ASAP2: variants seen among roughly 807,000 people sequenced by gnomAD.
ASAP2 encodes the protein arf-GAP with SH3 domain, ANK repeat and PH domain-containing protein 2.
ASAP2 carries 45 observed loss-of-function variants against 131.4 expected under a neutral mutation model. That is an observed-to-expected ratio of 0.34 (90% CI 0.27 to 0.44). ASAP2 has a LOEUF of 0.44. ASAP2 is among the 20% of genes least tolerant of loss of function. ASAP2 has a pLI of 1.00. For missense variants in ASAP2, 1,011 were observed against 1,297.0 expected, an observed-to-expected ratio of 0.78 and a Z score of 3.39; for synonymous variants, 510 against 503.0, an observed-to-expected ratio of 1.01 and a Z score of -0.19.
chr2:9,342,953 C>G (rs1444122500), intron 9 of ASAP2, among the ~76,000 whole-genome samples: 3 of 152,238 alleles, frequency 2.0e-5, no homozygotes, highest in Non-Finnish European at 4.4e-5. Context: ...GTGCTTTTCT[C>G]CCTTTGACTC....
intron 2 of ASAP2, among the ~76,000 whole-genome samples, chr2:9,287,553 A>G (rs1667545089): frequency 6.6e-6 from 1 of 152,206 alleles, no homozygotes; most frequent in Non-Finnish European, 1.5e-5. Flanking sequence ...TAGACATAGT[A>G]TTTGTTCCTC....
intron 3 of ASAP2, among the ~76,000 whole-genome samples, chr2:9,298,108 C>T (rs566455835): frequency 3.9e-5 from 6 of 152,270 alleles, no homozygotes; most frequent in East Asian, 1.9e-4. Flanking sequence ...GGACCCTGCC[C>T]GGGTGGAATG....
intron 21 of ASAP2, 26 bp downstream of exon 21, chr2:9,385,384 A>G: frequency 6.4e-7 from 1 of 1,563,974 alleles, no homozygotes; most frequent in Non-Finnish European, 8.8e-7. Flanking sequence ...CTAACCATTA[A>G]GAGTTTTGAT....
At chr2:9,327,987 A>C in intron 7 of ASAP2, 76 bp downstream of exon 7, 5 of 1,103,554 alleles carry the variant, frequency 4.5e-6, no homozygotes, top group African/African-American at 1.6e-5. Context: ...TAGATAGCTC[A>C]TAGGAAATAA....
At chr2:9,245,247 T>G (rs538973711) in intron 1 of ASAP2, among the ~76,000 whole-genome samples, 6 of 152,260 alleles carry the variant, frequency 3.9e-5, no homozygotes, top group African/African-American at 1.4e-4. Flanking sequence ...ATGGCTTTGT[T>G]GAGGAGGGTG....
At chr2:9,260,102 G>T (rs1231074449) in intron 1 of ASAP2, among the ~76,000 whole-genome samples, 1 of 152,206 alleles carries the variant, frequency 6.6e-6, no homozygotes, top group Non-Finnish European at 1.5e-5. Flanking sequence ...GAGGGGAAAG[G>T]TCCTCCACCA....
intron 1 of ASAP2, among the ~76,000 whole-genome samples, chr2:9,235,111 G>A: frequency 6.6e-6 from 1 of 152,238 alleles, no homozygotes. Context: ...CCCGACATAT[G>A]CCAACTGGAG....
chr2:9,267,769 A>G (rs1353991538), intron 1 of ASAP2, among the ~76,000 whole-genome samples: 1 of 151,892 alleles, frequency 6.6e-6, no homozygotes, highest in Non-Finnish European at 1.5e-5. Flanking sequence ...GTAGTAGTGC[A>G]CACCTGTAGT....
chr2:9,394,363 G>A (rs989948816), intron 24 of ASAP2, among the ~76,000 whole-genome samples: 23 of 151,768 alleles, frequency 1.5e-4, no homozygotes, highest in African/African-American at 5.1e-4. Context: ...ACGAGGTTTC[G>A]CCGTGTTAGC....
chr2:9,207,718 C>T lies in ASAP2; in HGVS notation c.126+488C>T, dbSNP rs1661226264. On this transcript the variant is annotated intron_variant, in intron 1 of 27. Transcript: ENST00000281419. The surrounding 1 kb of genome is among the most constrained non-coding windows in gnomAD (Gnocchi z 4.1). ...GTCCGCGGGTCCGGGGCATCCCGGG[C>T]TGCCCGGGAAGGCGTGCCCGCCTCA... 1.3e-5 allele frequency among the ~76,000 whole-genome samples: 2 copies of T among 152,092 alleles called. No homozygotes were observed. The highest frequency in any genetic ancestry group is 6.5e-5 in the Admixed American group (1 of 15,284).
intron 24 of ASAP2, among the ~76,000 whole-genome samples, chr2:9,397,750 A>ATATATATATATATATATATTTTT (rs1343127000): frequency 2.2e-5 from 1 of 44,810 alleles, no homozygotes; most frequent in African/African-American, 1.7e-4. Flanking sequence ...ATATATATAT[A>ATATATATATATATATATATTTTT]TTTTTTTTTT....
At chr2:9,347,456 G>C (rs1188342728) in intron 11 of ASAP2, among the ~76,000 whole-genome samples, 1 of 152,224 alleles carries the variant, frequency 6.6e-6, no homozygotes, top group Non-Finnish European at 1.5e-5. Context: ...CATTTCCAAA[G>C]ACTTGATTAA....
intron 3 of ASAP2, among the ~76,000 whole-genome samples, chr2:9,301,500 A>T (rs527860245): frequency 1.3e-5 from 2 of 152,236 alleles, no homozygotes; most frequent in Non-Finnish European, 2.9e-5. Flanking sequence ...TCCTGGAAAG[A>T]CTCCAAGGGC....
intron 18 of ASAP2, among the ~76,000 whole-genome samples, chr2:9,378,717 T>C (rs1383629904): frequency 6.6e-6 from 1 of 152,220 alleles, no homozygotes; most frequent in African/African-American, 2.4e-5. Context: ...TTTGACCTCT[T>C]CTGCCATCAT....
At chr2:9,236,062 C>A (rs1663530943) in intron 1 of ASAP2, among the ~76,000 whole-genome samples, 4 of 152,142 alleles carry the variant, frequency 2.6e-5, no homozygotes, top group Non-Finnish European at 1.5e-5. Context: ...TACCTTGTCC[C>A]AAGTGTGTCC....
At chr2:9,358,983 G>T in intron 15 of ASAP2, 94 bp downstream of exon 15, 1 of 1,413,920 alleles carries the variant, frequency 7.1e-7, no homozygotes, top group South Asian at 1.4e-5. Flanking sequence ...TAAGCTAGTG[G>T]TTGTTGATAT....
rs181311451 is a variant in ASAP2, at chr2:9,367,224, G to T, written c.1462-1201G>T. On this transcript the variant is annotated intron_variant, in intron 15 of 27. Transcript: ENST00000281419. ...TTCTTTTGTATTTTAGTAGAGATGG[G>T]GTTTCACCTTGTTGCCCAGGCTAGT... Among the ~76,000 whole-genome samples the T allele has an allele frequency of 1.9e-3, 292 of 151,594 alleles. 1 individual carries two copies. Among genetic ancestry groups the T allele is most frequent in the Non-Finnish European group, 3.7e-3 (253 of 67,884 alleles).
rs1394295351 is a variant in ASAP2 at position 9,374,935 on chromosome 2, C to G, written c.1737C>G (p.Ala579=). Residue 579 remains alanine (A), a synonymous_variant, in exon 17 of 28, where the codon GCC becomes GCG. Coordinates refer to ENST00000281419, the MANE Select transcript of ASAP2 (RefSeq NM_003887.3). Reference sequence around the variant, plus strand: ...ATCTTACGGAAAAAATCCCACTGGCCAACGGACATGTAAGAGTGTGGGTTG... The same window carrying G: ...ATCTTACGGAAAAAATCCCACTGGCGAACGGACATGTAAGAGTGTGGGTTG... ...GVDLTEKIPL[A]NGHEPDETAL... 5 of 1,602,584 alleles carry G rather than the reference C, an allele frequency of 3.1e-6. No homozygotes were observed. Among genetic ancestry groups the G allele is most frequent in the South Asian group, 1.1e-5 (1 of 89,524 alleles).
At chr2:9,254,131 A>G (rs2148152263) in intron 1 of ASAP2, among the ~76,000 whole-genome samples, 2 of 140,954 alleles carry the variant, frequency 1.4e-5, no homozygotes, top group Non-Finnish European at 3.0e-5. Context: ...GCTTGAAGCC[A>G]GGAGGCAGAG....
Sources: allele counts gnomAD v4.1 joint callset (sites outside exome capture counted in the v4.1 genomes callset), GRCh38; gene constraint gnomAD v4.1.1; non-coding constraint Gnocchi (gnomAD v3.1); transcripts MANE v1.5; gene names NCBI Gene and HGNC (gene_info 2026-07-23, HGNC 2026-07-21).